ERCC6L2: variants seen among roughly 807,000 people sequenced by gnomAD.
The protein encoded by ERCC6L2 is DNA excision repair protein ERCC-6-like 2.
ERCC6L2 carries 77 observed loss-of-function variants against 132.0 expected under a neutral mutation model. The ratio of observed to expected loss-of-function variants is 0.58; its 90% CI spans 0.49 to 0.71. The LOEUF is 0.71. Among genes scored for constraint, ERCC6L2 ranks in the 30% least tolerant of loss-of-function variants. The pLI is 0.00. For missense variants in ERCC6L2, 1,542 were observed against 1,837.6 expected (o/e 0.84, Z 2.94); for synonymous variants, 583 against 632.4 (o/e 0.92, Z 1.17).
intron 3 of ERCC6L2, among the ~76,000 whole-genome samples, chr9:95,902,081 G>C (rs1828808124): frequency 6.6e-6 from 1 of 152,052 alleles, no homozygotes; most frequent in Non-Finnish European, 1.5e-5. Flanking sequence ...AGGAGTGGTG[G>C]GTCTAAGGTA....
Position 96,034,280 on chromosome 9 carries a change from A to T in ERCC6L2, c.*1504-4596A>T, listed in dbSNP as rs556828628. Reference sequence around the variant, plus strand: ...TGTGCAGGCTTTGAAGGACACCTGTATTGCTCTGGTTTGTAAATGTGGATG... The same window carrying T: ...TGTGCAGGCTTTGAAGGACACCTGTTTTGCTCTGGTTTGTAAATGTGGATG... On this transcript the variant is annotated intron_variant and NMD_transcript_variant, in intron 19 of 20. Coordinates refer to the ERCC6L2 transcript ENST00000670016. Among the ~76,000 whole-genome samples the T allele has an allele frequency of 2.6e-5, 4 of 152,312 alleles. No individual in the cohort carries two copies. In the East Asian group the frequency reaches 7.8e-4, roughly 30 times the overall value.
At chr9:95,903,803 A>G (rs543831738) in intron 3 of ERCC6L2, among the ~76,000 whole-genome samples, 1,759 of 152,214 alleles carry the variant, frequency 0.012, 17 homozygotes, top group Non-Finnish European at 0.018. Context: ...TTATACCTTT[A>G]CAGAAAAATT....
At chr9:95,967,273 G>A (rs910746562) in intron 14 of ERCC6L2, 2 of 151,642 alleles carry the variant, frequency 1.3e-5, no homozygotes, top group Admixed American at 6.6e-5. Context: ...TTTATATACC[G>A]GAATACTAAG....
chr9:96,013,051 A>G lies in ERCC6L2; in HGVS notation c.4501A>G (p.Thr1501Ala), dbSNP rs1834089252. 3 of 1,367,492 alleles carry G rather than the reference A, an allele frequency of 2.2e-6. No homozygotes were observed. The highest frequency in any genetic ancestry group is 1.5e-5 in the African/African-American group (1 of 67,716). The allele number at this position is 1,367,492 out of a possible 1,614,324, so 84.7% of individuals were successfully genotyped here. A position where few individuals can be genotyped will look rare whatever the true frequency, so the allele number is the denominator to read the frequency against. The part of the protein sequence containing the change: ...SKLTDLAVIE[T>A]LCEKAPLAAP... Reference sequence around the variant, plus strand: ...ACTCACAGACTTGGCAGTAATAGAGACTCTGTGTGAAAAAGCACCTCTAGC... The same window carrying G: ...ACTCACAGACTTGGCAGTAATAGAGGCTCTGTGTGAAAAAGCACCTCTAGC... Residue 1501 changes from threonine (T) to alanine (A), a missense_variant, in exon 19 of 19, where the codon ACT becomes GCT. Thr to Ala is a moderately conservative substitution (Grantham distance 58, BLOSUM62 0). Coordinates refer to ENST00000653738, the MANE Select transcript of ERCC6L2 (RefSeq NM_020207.7).
chr9:95,889,363 A>G (rs1186500082), intron 2 of ERCC6L2, among the ~76,000 whole-genome samples: 1 of 152,094 alleles, frequency 6.6e-6, no homozygotes, highest in East Asian at 1.9e-4. Flanking sequence ...ATCTTATATT[A>G]CCTCATTTAA....
At chr9:95,980,296 G>A (rs1002826413) in intron 17 of ERCC6L2, among the ~76,000 whole-genome samples, 3 of 152,096 alleles carry the variant, frequency 2.0e-5, no homozygotes, top group African/African-American at 4.8e-5. Context: ...TATACCCTTC[G>A]AGGCCATCTA....
intron 12 of ERCC6L2, among the ~76,000 whole-genome samples, chr9:95,945,960 T>C (rs1333752114): frequency 6.6e-6 from 1 of 151,958 alleles, no homozygotes; most frequent in East Asian, 1.9e-4. Flanking sequence ...ATGCTTATTA[T>C]GAAACATATA....
chr9:95,887,645 AG>A (rs1827943476), intron 2 of ERCC6L2, among the ~76,000 whole-genome samples: 1 of 152,168 alleles, frequency 6.6e-6, no homozygotes. Context: ...TCATTACTGA[AG>A]GCTGTCTTAT....
intron 17 of ERCC6L2, among the ~76,000 whole-genome samples, chr9:95,992,606 T>TA (rs1436289207): frequency 6.6e-6 from 1 of 152,210 alleles, no homozygotes; most frequent in Non-Finnish European, 1.5e-5. Context: ...TAATAATAAA[T>TA]AATTACATCA....
intron 9 of ERCC6L2, 59 bp downstream of exon 9, chr9:95,923,438 G>T (rs2132755952): frequency 3.8e-6 from 6 of 1,583,254 alleles, no homozygotes; most frequent in Non-Finnish European, 5.2e-6. Flanking sequence ...TTATTCAGTG[G>T]TATGACAGAG....
intron 18 of ERCC6L2, 133 bp downstream of exon 18, chr9:96,004,834 A>C: frequency 1.9e-6 from 1 of 529,960 alleles, no homozygotes; most frequent in Non-Finnish European, 3.0e-6. Flanking sequence ...CTGAATTTCA[A>C]AAATAAACTG....
chr9:95,968,916 G>A (rs760187599), intron 14 of ERCC6L2: 1 of 152,134 alleles, frequency 6.6e-6, no homozygotes, highest in Non-Finnish European at 1.5e-5. Context: ...ATTATGATAG[G>A]TTCTAAGGAT....
chr9:96,030,701 C>CAAAAA (rs35421948), intron 19 of ERCC6L2, among the ~76,000 whole-genome samples: 2 of 79,974 alleles, frequency 2.5e-5, no homozygotes, highest in East Asian at 3.6e-4. Context: ...GACTCCATCT[C>CAAAAA]AAAAAAAAAA....
chr9:96,004,173 A>G (rs1833784684), intron 17 of ERCC6L2, among the ~76,000 whole-genome samples: 1 of 152,256 alleles, frequency 6.6e-6, no homozygotes, highest in African/African-American at 2.4e-5. Flanking sequence ...ACTAAATTAG[A>G]AAATTTTAGA....
At chr9:95,945,934 A>C (rs1831039801) in intron 12 of ERCC6L2, among the ~76,000 whole-genome samples, 1 of 152,206 alleles carries the variant, frequency 6.6e-6, no homozygotes, top group African/African-American at 2.4e-5. Flanking sequence ...AGAAAGGAAA[A>C]ATTAGACTCA....
At chr9:95,895,881 C>A (rs943767194) in intron 2 of ERCC6L2, among the ~76,000 whole-genome samples, 3 of 152,010 alleles carry the variant, frequency 2.0e-5, no homozygotes, top group African/African-American at 7.3e-5. Context: ...TGCCCGCCAC[C>A]GGGCCCGGCT....
chr9:95,966,450 G>A lies in ERCC6L2; in HGVS notation c.1948-112G>A, dbSNP rs1832160566. The A allele has an allele frequency of 7.1e-6, 7 of 979,992 alleles. No individual in the cohort carries two copies. In the South Asian group the frequency reaches 2.7e-4, roughly 37 times the overall value. 60.7% of individuals were successfully genotyped at this position (979,992 alleles called of 1,614,324 possible). ...AATTAAAACAAAATTTCCTCCCTAAGGAGATTCTGCCTGCTCCAGCTAAAG... is the reference window on the plus strand; with the variant it reads ...AATTAAAACAAAATTTCCTCCCTAAAGAGATTCTGCCTGCTCCAGCTAAAG... On this transcript the variant is annotated intron_variant, in intron 13 of 18. Transcript: ENST00000653738.
At chr9:95,933,845 CAAAAAAAAA>C (rs10609411) in intron 11 of ERCC6L2, among the ~76,000 whole-genome samples, 2 of 119,504 alleles carry the variant, frequency 1.7e-5, no homozygotes, top group Non-Finnish European at 3.5e-5. Flanking sequence ...GACTCTGTCT[CAAAAAAAAA>C]AAAAAAAAAA....
At chr9:95,958,805 G>C (rs918851317) in intron 13 of ERCC6L2, among the ~76,000 whole-genome samples, 1 of 152,020 alleles carries the variant, frequency 6.6e-6, no homozygotes, top group South Asian at 2.1e-4. Context: ...AAATACCTAG[G>C]AATCCTACTT....
Sources: allele counts gnomAD v4.1 joint callset (sites outside exome capture counted in the v4.1 genomes callset), GRCh38; gene constraint gnomAD v4.1.1; transcripts MANE v1.5; gene names NCBI Gene and HGNC (gene_info 2026-07-23, HGNC 2026-07-21).